The following ATP2B2 variants were observed in gnomAD, a reference collection of about 807,000 sequenced individuals.
ATP2B2 encodes the protein plasma membrane calcium-transporting ATPase 2.
Under a neutral mutation model 120.0 loss-of-function variants are expected in ATP2B2, and 15 were observed. The ratio of observed to expected loss-of-function variants is 0.12; its 90% CI spans 0.08 to 0.19. The LOEUF is 0.19. Ranked by LOEUF, ATP2B2 falls within the 10% of genes least tolerant of loss-of-function variation. The pLI is 1.00. For missense variants in ATP2B2, 1,045 were observed against 1,719.8 expected, an observed-to-expected ratio of 0.61 and a Z score of 6.94; for synonymous variants, 694 against 700.3, an observed-to-expected ratio of 0.99 and a Z score of 0.14.
chr3:10,346,469 C>T lies in ATP2B2; in HGVS notation c.2405-332G>A, dbSNP rs1268619920. 6.6e-6 allele frequency among the ~76,000 whole-genome samples: 1 copy of T among 152,228 alleles called. No homozygotes were observed. Among genetic ancestry groups the T allele is most frequent in the Non-Finnish European group, 1.5e-5 (1 of 68,036 alleles). On this transcript the variant is annotated intron_variant, in intron 16 of 22. Coordinates refer to ENST00000360273, the MANE Select transcript of ATP2B2 (RefSeq NM_001001331.4). The surrounding 1 kb of genome is among the most constrained non-coding windows in gnomAD (Gnocchi z 4.1). ...CTGTATCCTCTAACTGTGCTCAGGGCCCCCTCTGCCTCAGCAGGGCTCCCA... is the reference window on the plus strand; with the variant it reads ...CTGTATCCTCTAACTGTGCTCAGGGTCCCCTCTGCCTCAGCAGGGCTCCCA...
intron 2 of ATP2B2, among the ~76,000 whole-genome samples, chr3:10,594,853 C>T (rs1559476724): frequency 6.6e-6 from 1 of 152,100 alleles, no homozygotes; most frequent in Non-Finnish European, 1.5e-5. Context: ...GTATCATCAC[C>T]CCCATTTTAT....
chr3:10,510,520 G>A (rs2066740360), upstream of ATP2B2, among the ~76,000 whole-genome samples: 1 of 152,230 alleles, frequency 6.6e-6, no homozygotes, highest in Non-Finnish European at 1.5e-5. Context: ...AAAGCAGTGG[G>A]CATATCTTCC....
intron 1 of ATP2B2, among the ~76,000 whole-genome samples, chr3:10,663,955 T>C (rs1030059361): frequency 1.3e-5 from 2 of 152,150 alleles, no homozygotes; most frequent in Admixed American, 1.3e-4. Flanking sequence ...GTCACTGATA[T>C]TGTTTAACAA....
At chr3:10,421,396 C>T (rs1348850968) in intron 2 of ATP2B2, among the ~76,000 whole-genome samples, 3 of 152,190 alleles carry the variant, frequency 2.0e-5, no homozygotes, top group Non-Finnish European at 4.4e-5. Flanking sequence ...AGGCTCACAA[C>T]CTCTCTTCCT....
chr3:10,575,251 C>T (rs1268077602), intron 2 of ATP2B2, among the ~76,000 whole-genome samples: 1 of 152,132 alleles, frequency 6.6e-6, no homozygotes, highest in African/African-American at 2.4e-5. Flanking sequence ...AGAGGGTGTA[C>T]CTGAGGGGAG....
In ATP2B2 at chr3:10,577,695, A is replaced by G. The variant is rs148895848; in HGVS notation, c.-415+42222T>C. ...AGATGGTGTCCTGCCAGCTCCCAAA[A>G]GAACAATCTTTCTTGGCAAGCTCAT... On this transcript the variant is annotated intron_variant, in intron 2 of 21. Coordinates refer to the ATP2B2 transcript ENST00000646379. 3.2e-3 allele frequency among the ~76,000 whole-genome samples: 494 copies of G among 152,314 alleles called. 3 individuals are homozygous for G. The highest frequency in any genetic ancestry group is 0.012 in the African/African-American group (478 of 41,562).
At chr3:10,702,144 C>A (rs73128092) in intron 1 of ATP2B2, among the ~76,000 whole-genome samples, 3,697 of 152,228 alleles carry the variant, frequency 0.024, 131 homozygotes, top group African/African-American at 0.084. Context: ...CAGCTTGGAA[C>A]TGAAAACCCA....
chr3:10,370,104 T>G (rs1463409590), intron 12 of ATP2B2, among the ~76,000 whole-genome samples: 1 of 152,134 alleles, frequency 6.6e-6, no homozygotes, highest in Non-Finnish European at 1.5e-5. Flanking sequence ...AAAGACTCAA[T>G]CCACCAACAT....
chr3:10,454,338 G>T (rs1159090143), intron 1 of ATP2B2, among the ~76,000 whole-genome samples: 1 of 152,116 alleles, frequency 6.6e-6, no homozygotes, highest in Non-Finnish European at 1.5e-5. Flanking sequence ...AGGTAAAGAA[G>T]GACTTAATAA....
At chr3:10,415,453 C>T (rs1174439091) in intron 2 of ATP2B2, among the ~76,000 whole-genome samples, 1 of 152,168 alleles carries the variant, frequency 6.6e-6, no homozygotes, top group African/African-American at 2.4e-5. Context: ...CACTTCTCTT[C>T]TCTGGGCCTC....
At chr3:10,557,245 T>C (rs1323937626) in intron 2 of ATP2B2, among the ~76,000 whole-genome samples, 9 of 152,188 alleles carry the variant, frequency 5.9e-5, no homozygotes, top group Admixed American at 5.9e-4. Flanking sequence ...TGTCACCCAC[T>C]GAGGAGATAA....
intron 1 of ATP2B2, among the ~76,000 whole-genome samples, chr3:10,665,679 T>G (rs1469337627): frequency 5.3e-5 from 8 of 152,188 alleles, no homozygotes; most frequent in Non-Finnish European, 1.0e-4. Context: ...TTGGAGGGCA[T>G]GCCAAATCTC....
intron 1 of ATP2B2, among the ~76,000 whole-genome samples, chr3:10,658,705 C>A (rs7649327): frequency 0.13 from 19,353 of 151,602 alleles, 1,690 homozygotes; most frequent in East Asian, 0.37. Flanking sequence ...CCCAACCTAG[C>A]AAGGCAGGCC....
intron 3 of ATP2B2, among the ~76,000 whole-genome samples, chr3:10,406,745 G>A (rs542116727): frequency 2.0e-5 from 3 of 152,350 alleles, no homozygotes; most frequent in Admixed American, 2.0e-4. Flanking sequence ...GGCACAGTGA[G>A]AAACTCATAC....
intron 1 of ATP2B2, among the ~76,000 whole-genome samples, chr3:10,633,631 G>A (rs1575578948): frequency 6.6e-6 from 1 of 152,208 alleles, no homozygotes; most frequent in Non-Finnish European, 1.5e-5. Flanking sequence ...CCCTTCACAA[G>A]GGAGAACAGT....
chr3:10,329,438 G>T lies in ATP2B2; in HGVS notation c.3421-313C>A, dbSNP rs754181029. On this transcript the variant is annotated intron_variant, in intron 22 of 22. Coordinates refer to ENST00000360273, the MANE Select transcript of ATP2B2 (RefSeq NM_001001331.4). The surrounding 1 kb of genome is among the most constrained non-coding windows in gnomAD (Gnocchi z 5.9). Reference sequence around the variant, plus strand: ...TAAAGGAAGCACAGTCGACTCCTGCGGGCACCCACACCTAGTGAGAGACTG... The same window carrying T: ...TAAAGGAAGCACAGTCGACTCCTGCTGGCACCCACACCTAGTGAGAGACTG... Among the ~76,000 whole-genome samples the T allele has an allele frequency of 1.6e-4, 25 of 152,002 alleles. No homozygotes were observed. The highest frequency in any genetic ancestry group is 2.4e-4 in the Non-Finnish European group (16 of 68,026).
chr3:10,555,992 G>A (rs994145000), intron 2 of ATP2B2, among the ~76,000 whole-genome samples: 17 of 152,150 alleles, frequency 1.1e-4, no homozygotes, highest in Admixed American at 7.9e-4. Flanking sequence ...TCTGCCTCCC[G>A]GGTTCAAGCA....
At chr3:10,551,068 T>G (rs562998876) in intron 2 of ATP2B2, among the ~76,000 whole-genome samples, 1 of 152,330 alleles carries the variant, frequency 6.6e-6, no homozygotes, top group African/African-American at 2.4e-5. Context: ...TACTCTCATT[T>G]AGGTCTCTTT....
intron 1 of ATP2B2, among the ~76,000 whole-genome samples, chr3:10,637,497 A>T (rs1418914466): frequency 2.6e-5 from 4 of 152,266 alleles, no homozygotes; most frequent in African/African-American, 9.6e-5. Context: ...ATGATGTCTG[A>T]AATGAAAAAG....
Sources: gnomAD v4.1 joint callset for allele counts (sites outside exome capture counted in the v4.1 genomes callset) on GRCh38, gnomAD v4.1.1 for gene constraint, Gnocchi (gnomAD v3.1) non-coding constraint, MANE v1.5 for transcripts, NCBI Gene and HGNC (gene_info 2026-07-23, HGNC 2026-07-21) for gene names.